Variants in MRC1 observed in about 807,000 individuals in gnomAD.
MRC1 encodes the protein macrophage mannose receptor 1.
MRC1 carries 62 observed loss-of-function variants against 102.9 expected under a neutral mutation model. The observed-to-expected ratio is 0.60, with a 90% CI of 0.49 to 0.74. MRC1 has a LOEUF of 0.74. Ranked by LOEUF, MRC1 falls within the 30% of genes least tolerant of loss-of-function variation. The probability of loss-of-function intolerance (pLI) is 0.00; values close to 1 mark genes in which losing one functional copy is unlikely to be tolerated. For synonymous variants in MRC1, 457 were observed against 298.4 expected (o/e 1.53, Z -5.48); for missense variants, 1,237 against 862.8 (o/e 1.43, Z -5.43).
intron 9 of MRC1, among the ~76,000 whole-genome samples, chr10:17,857,729 A>G (rs1833116304): frequency 6.6e-6 from 1 of 152,238 alleles, no homozygotes; most frequent in Non-Finnish European, 1.5e-5. Flanking sequence ...CAACAAAGGA[A>G]GATAATAATG....
At chr10:17,899,617 G>A (rs1833801652) in intron 24 of MRC1, among the ~76,000 whole-genome samples, 1 of 151,964 alleles carries the variant, frequency 6.6e-6, no homozygotes, top group Non-Finnish European at 1.5e-5. Flanking sequence ...CAGTCAAAAG[G>A]GTGATAATTG....
chr10:17,868,528 A>G (rs1833310571), intron 12 of MRC1, among the ~76,000 whole-genome samples: 1 of 152,162 alleles, frequency 6.6e-6, no homozygotes, highest in Admixed American at 6.5e-5. Flanking sequence ...TGGGGATTAC[A>G]ATTTGAGATG....
rs960339530 is a variant in MRC1, at chr10:17,874,762, G to A, written c.2387-328G>A. ...TAGTTCCCACTCCTTTGATGTAGAA[G>A]ATTATGGGTGCATTATACATAAATC... is the stretch of plus-strand genomic sequence containing the variant. On this transcript the variant is annotated intron_variant, in intron 16 of 29. Coordinates refer to ENST00000569591, the MANE Select transcript of MRC1 (RefSeq NM_002438.4). Among the ~76,000 whole-genome samples, 57 of 151,948 alleles carry A rather than the reference G, an allele frequency of 3.8e-4. 2 individuals are homozygous for A. The highest frequency in any genetic ancestry group is 7.4e-5 in the Non-Finnish European group (5 of 68,004).
chr10:17,827,368 TACCCAAAAAAAA>T (rs1838493053), intron 2 of MRC1, among the ~76,000 whole-genome samples, 162 bp from the exon 3 acceptor site: 1 of 15,760 alleles, frequency 6.3e-5, no homozygotes, highest in Non-Finnish European at 1.2e-4. Flanking sequence ...GGAAAAAAAA[TACCCAAAAAAAA>T]AAAAAAAAAA....
chr10:17,882,458 T>G lies in MRC1; in HGVS notation c.2980+1277T>G, dbSNP rs953681263. 2.2e-3 allele frequency among the ~76,000 whole-genome samples: 333 copies of G among 152,072 alleles called. 2 individuals are homozygous for G. Among genetic ancestry groups the G allele is most frequent in the South Asian group, 0.011 (52 of 4,814 alleles). ...GTTGTTTGTTGTATATATAACTTTA[T>G]AAGGACATGGTAGGAGACATATGGA... is the stretch of plus-strand genomic sequence containing the variant. On this transcript the variant is annotated intron_variant, in intron 21 of 29. Transcript: ENST00000569591.
chr10:17,878,702 G>T (rs919083299), intron 18 of MRC1, among the ~76,000 whole-genome samples: 3 of 151,958 alleles, frequency 2.0e-5, no homozygotes, highest in Non-Finnish European at 4.4e-5. Context: ...TTGCTCTGTT[G>T]CCCAGGCTGG....
At chr10:17,819,118 A>G (rs534383689) in intron 1 of MRC1, among the ~76,000 whole-genome samples, 1 of 152,182 alleles carries the variant, frequency 6.6e-6, no homozygotes, top group Non-Finnish European at 1.5e-5. Context: ...GAGAAAGAAA[A>G]GAATTTTACT....
Position 17,881,157 on chromosome 10 carries a change from T to G in MRC1, c.2956T>G (p.Ser986Ala), listed in dbSNP as rs1833509917. The stretch of plus-strand genomic sequence containing the variant: ...TATAGGCTTTGGAGGGAATCTGGTC[T>G]CCATACAAAATGAAAAAGAGCAAGG... ...ACIGFGGNLV[S>A]IQNEKEQAFL... The change falls in exon 21 of 30, where the codon TCC becomes GCC. Residue 986 changes from serine to alanine, a missense_variant. Transcript: ENST00000569591. 1.3e-6 allele frequency: 1 copy of G among 780,566 alleles called. No individual in the cohort carries two copies. The allele number at this position is 780,566 out of a possible 1,614,324, so 48.4% of individuals were successfully genotyped here. A position where few individuals can be genotyped will look rare whatever the true frequency, so the allele number is the denominator to read the frequency against.
intron 7 of MRC1, among the ~76,000 whole-genome samples, chr10:17,850,625 A>T (rs1257720225): frequency 1.3e-5 from 2 of 152,240 alleles, no homozygotes; most frequent in Middle Eastern, 3.4e-3. Context: ...TGATTAAATG[A>T]TGATCATTTT....
chr10:17,899,465 T>G (rs2130715926), intron 24 of MRC1, among the ~76,000 whole-genome samples: 1 of 152,340 alleles, frequency 6.6e-6, no homozygotes, highest in East Asian at 1.9e-4. Context: ...ATTATTATCT[T>G]CCTTATTTCT....
chr10:17,867,339 C>T (rs937932417), intron 12 of MRC1, among the ~76,000 whole-genome samples: 1 of 142,296 alleles, frequency 7.0e-6, no homozygotes, highest in Admixed American at 7.3e-5. Flanking sequence ...CTTCTTCCTC[C>T]TCCTCCTCTT....
At position 17,809,464 on chromosome 10, in the gene MRC1, C is replaced by T. The variant is rs1838189772; in HGVS notation, c.-2C>T. On this transcript the variant is annotated 5_prime_UTR_variant, in exon 1 of 30. Coordinates refer to ENST00000569591, the MANE Select transcript of MRC1 (RefSeq NM_002438.4). Reference sequence around the variant, plus strand: ...GGAGAAGGAAAGGATAAACCCTGGGCCATGAGGCTACCCCTGCTCCTGGTT... The same window carrying T: ...GGAGAAGGAAAGGATAAACCCTGGGTCATGAGGCTACCCCTGCTCCTGGTT... 3.7e-5 allele frequency: 32 copies of T among 872,740 alleles called. No individual in the cohort carries two copies. In the Middle Eastern group the frequency reaches 2.0e-3, roughly 53 times the overall value. 54.1% of individuals were successfully genotyped at this position (872,740 alleles called of 1,614,324 possible). A position where few individuals can be genotyped will look rare whatever the true frequency, so the allele number is the denominator to read the frequency against.
chr10:17,852,745 G>A (rs1050713880), intron 7 of MRC1, among the ~76,000 whole-genome samples: 3 of 152,090 alleles, frequency 2.0e-5, no homozygotes, highest in Non-Finnish European at 2.9e-5. Flanking sequence ...AATGTAAAGG[G>A]TACACTACAC....
At chr10:17,810,502 C>T (rs1838205835) in intron 1 of MRC1, among the ~76,000 whole-genome samples, 1 of 152,134 alleles carries the variant, frequency 6.6e-6, no homozygotes, top group African/African-American at 2.4e-5. Context: ...GTAGTGATTA[C>T]AAAAACACAA....
intron 1 of MRC1, among the ~76,000 whole-genome samples, chr10:17,811,738 TTTTAA>T (rs1838226374): frequency 6.6e-6 from 1 of 152,022 alleles, no homozygotes; most frequent in Admixed American, 6.5e-5. Context: ...CCAGGCTAAT[TTTTAA>T]TTTTTTTTAT....
Position 17,856,265 on chromosome 10 carries a change from C to A in MRC1, c.1431C>A (p.Gly477=). 1 of 865,436 alleles carries A rather than the reference C, an allele frequency of 1.2e-6. No homozygotes were observed. The highest frequency in any genetic ancestry group is 2.0e-6 in the Non-Finnish European group (1 of 498,814). 53.6% of individuals were successfully genotyped at this position (865,436 alleles called of 1,614,324 possible). A position where few individuals can be genotyped will look rare whatever the true frequency, so the allele number is the denominator to read the frequency against. ...AGGATGGGTACTGGGCAGATCGGGG[C>A]TGTGAGTGGCCTCTTGGCTACATCT... is the stretch of plus-strand genomic sequence containing the variant. The part of the protein sequence containing the change: ...KGKDGYWADR[G]CEWPLGYICK... Residue 477 remains glycine, a synonymous_variant, in exon 9 of 30, where the codon GGC becomes GGA. Transcript: ENST00000569591.
chr10:17,837,310 C>T (rs950475064), intron 4 of MRC1, among the ~76,000 whole-genome samples: 5,759 of 152,222 alleles, frequency 0.038, 141 homozygotes, highest in Non-Finnish European at 0.051. Flanking sequence ...TACTTCCTGC[C>T]TTTCTTTAAG....
intron 7 of MRC1, among the ~76,000 whole-genome samples, chr10:17,852,481 A>G (rs1838931803): frequency 6.6e-6 from 1 of 152,192 alleles, no homozygotes; most frequent in Middle Eastern, 3.2e-3. Flanking sequence ...CTTGATAACA[A>G]GAGTCAGTAA....
At position 17,881,184 on chromosome 10, in the gene MRC1, A is replaced by G. The variant is rs1833510333; in HGVS notation, c.2980+3A>G. ...CATACAAAATGAAAAAGAGCAAGGT[A>G]GGCAGGCCATTTTGCAATTAGTTGT... On this transcript the variant is annotated splice_donor_region_variant and intron_variant, in intron 21 of 29. Coordinates refer to ENST00000569591, the MANE Select transcript of MRC1 (RefSeq NM_002438.4). 2 of 779,864 alleles carry G rather than the reference A, an allele frequency of 2.6e-6. No homozygotes were observed. The highest frequency in any genetic ancestry group is 2.7e-5 in the South Asian group (2 of 74,096). 48.3% of individuals were successfully genotyped at this position (779,864 alleles called of 1,614,324 possible). A position where few individuals can be genotyped will look rare whatever the true frequency, so the allele number is the denominator to read the frequency against.
Sources: allele counts gnomAD v4.1 joint callset (sites outside exome capture counted in the v4.1 genomes callset), GRCh38; gene constraint gnomAD v4.1.1; transcripts MANE v1.5; gene names NCBI Gene and HGNC (gene_info 2026-07-23, HGNC 2026-07-21).